PTPN3: variants seen among roughly 807,000 people sequenced by gnomAD.
The protein encoded by PTPN3 is tyrosine-protein phosphatase non-receptor type 3.
Under a neutral mutation model 132.7 loss-of-function variants are expected in PTPN3, and 96 were observed. The observed-to-expected ratio is 0.72, with a 90% CI of 0.61 to 0.86. The LOEUF (loss-of-function observed/expected upper bound fraction) is 0.86, where lower values mean the gene tolerates loss of function less well. PTPN3 is among the 40% of genes least tolerant of loss of function. PTPN3 has a pLI of 0.00. For missense variants in PTPN3, 1,125 were observed against 1,159.6 expected (o/e 0.97, Z 0.43); for synonymous variants, 398 against 429.0 (o/e 0.93, Z 0.89).
chr9:109,398,125 T>G (rs954981587), intron 19 of PTPN3, among the ~76,000 whole-genome samples: 4 of 152,060 alleles, frequency 2.6e-5, no homozygotes, highest in African/African-American at 4.8e-5. Context: ...AATACAAAAA[T>G]TAGCTGGGCA....
Position 109,453,338 on chromosome 9 carries a change from C to T in PTPN3, c.368+1158G>A, listed in dbSNP as rs374975280. On this transcript the variant is annotated intron_variant, in intron 5 of 25. Transcript: ENST00000374541. ...GCCACGATGAATGTAAAACAGGATT[C>T]AATACTAAGCATCTATTGCTTTTTT... Among the ~76,000 whole-genome samples, 13 of 152,284 alleles carry T rather than the reference C, an allele frequency of 8.5e-5. No individual in the cohort carries two copies. The East Asian group carries it at 1.2e-3, about 14-fold the overall frequency.
chr9:109,377,030 A>G lies in PTPN3; in HGVS notation c.*2526T>C, dbSNP rs898762678. 3 of 152,268 alleles carry G rather than the reference A, an allele frequency of 2.0e-5. No homozygotes were observed. Among genetic ancestry groups the G allele is most frequent in the Admixed American group, 1.3e-4 (2 of 15,286 alleles). The allele number at this position is 152,268 out of a possible 1,614,324, so 9.4% of individuals were successfully genotyped here. A position where few individuals can be genotyped will look rare whatever the true frequency, so the allele number is the denominator to read the frequency against. ...AAACAATTTGTTTTTGGAAAAAAGC[A>G]GTAAAACACCCATCTCCAAAGACAT... is the stretch of plus-strand genomic sequence containing the variant. On this transcript the variant is annotated 3_prime_UTR_variant, in exon 26 of 26. Transcript: ENST00000374541.
Position 109,381,666 on chromosome 9 carries a change from T to C in PTPN3, c.2650A>G (p.Met884Val). ...VRKMRDQRAMMVQTSSQYKFV... is the reference protein window; with the variant it reads ...VRKMRDQRAMVVQTSSQYKFV... ...TTTCTACTCACTGATGTCTGCACCA[T>C]CATGGCGCGCTGGTCTCGCATTTTT... Residue 884 changes from methionine (M) to valine (V), a missense_variant, in exon 25 of 26, where the codon ATG (methionine) becomes GTG (valine). Transcript: ENST00000374541. 6.2e-7 allele frequency: 1 copy of C among 1,614,214 alleles called. No homozygotes were observed. Among genetic ancestry groups the C allele is most frequent in the South Asian group, 1.1e-5 (1 of 91,084 alleles).
chr9:109,505,730 A>T, the PTPN3 span, among the ~76,000 whole-genome samples: 1 of 151,946 alleles, frequency 6.6e-6, no homozygotes, highest in Non-Finnish European at 1.5e-5. Context: ...GATGGATGGA[A>T]CTGAGGATCA....
chr9:109,384,487 A>T (rs916704695), intron 22 of PTPN3, among the ~76,000 whole-genome samples: 1 of 152,122 alleles, frequency 6.6e-6, no homozygotes, highest in African/African-American at 2.4e-5. Flanking sequence ...GTCTCTCAAT[A>T]TGGCTGTGCT....
rs779644779 is a variant in PTPN3 at position 109,382,412 on chromosome 9, G to A, written c.2418C>T (p.Tyr806=). The A allele has an allele frequency of 2.5e-6, 4 of 1,614,204 alleles. No homozygotes were observed. The highest frequency in any genetic ancestry group is 3.4e-6 in the Non-Finnish European group (4 of 1,180,028). ...GCACACCGTGGTCAGGCCATGCGAC[G>A]TACTGGAGATGTGTCACTGTGTGTT... ...GEEHTVTHLQ[Y]VAWPDHGVPD... Residue 806 remains tyrosine, a synonymous_variant, in exon 24 of 26, where the codon TAC becomes TAT. Transcript: ENST00000374541.
At chr9:109,451,921 C>T (rs1588450689) in intron 5 of PTPN3, among the ~76,000 whole-genome samples, 1 of 152,234 alleles carries the variant, frequency 6.6e-6, no homozygotes, top group Non-Finnish European at 1.5e-5. Context: ...GGGGTTGGAA[C>T]CTCCCAGTTG....
chr9:109,480,638 TC>T (rs1846912531), intron 1 of PTPN3, among the ~76,000 whole-genome samples: 1 of 152,220 alleles, frequency 6.6e-6, no homozygotes, highest in African/African-American at 2.4e-5. Flanking sequence ...CCCTATGTTT[TC>T]TTCTAGGAGT....
the PTPN3 span, among the ~76,000 whole-genome samples, chr9:109,517,145 C>T: frequency 6.6e-6 from 1 of 152,148 alleles, no homozygotes; most frequent in Non-Finnish European, 1.5e-5. Context: ...AAGTCATCCT[C>T]ACATGTTGAG....
the PTPN3 span, among the ~76,000 whole-genome samples, chr9:109,530,407 T>C: frequency 4.7e-4 from 71 of 152,350 alleles, no homozygotes; most frequent in African/African-American, 1.7e-3. Context: ...ATTTCCTTCC[T>C]TTTTAAGGCT....
intron 1 of PTPN3, among the ~76,000 whole-genome samples, chr9:109,492,454 C>T (rs1847506094): frequency 6.6e-6 from 1 of 152,242 alleles, no homozygotes; most frequent in African/African-American, 2.4e-5. Context: ...CAGCGACTCT[C>T]AGCACTGAAC....
rs191398114 is a variant in PTPN3 at position 109,485,424 on chromosome 9, C to T, written c.-18+12795G>A. On this transcript the variant is annotated intron_variant, in intron 1 of 25. Transcript: ENST00000374541. ...GCGGGAGGCTGAGGCAGGAGAACGG[C>T]GTGAACCTGGGAGGCGGAGCTTGCA... is the stretch of plus-strand genomic sequence containing the variant. Among the ~76,000 whole-genome samples the T allele has an allele frequency of 7.4e-3, 1,128 of 152,194 alleles. 12 individuals carry two copies. Among genetic ancestry groups the T allele is most frequent in the African/African-American group, 0.025 (1,032 of 41,514 alleles).
chr9:109,381,245 T>C (rs998063168), intron 25 of PTPN3, among the ~76,000 whole-genome samples: 2 of 152,132 alleles, frequency 1.3e-5, no homozygotes, highest in African/African-American at 4.8e-5. Context: ...GACCCTACTT[T>C]GAGCTCTGGC....
the PTPN3 span, among the ~76,000 whole-genome samples, chr9:109,512,341 C>T: frequency 6.6e-6 from 1 of 152,294 alleles, no homozygotes; most frequent in South Asian, 2.1e-4. Context: ...GATTGGAGGG[C>T]ATTTTTGCTG....
the PTPN3 span, among the ~76,000 whole-genome samples, chr9:109,525,300 C>G: frequency 1.3e-5 from 2 of 152,192 alleles, no homozygotes; most frequent in African/African-American, 4.8e-5. Context: ...TCAAGCGATC[C>G]TCCCACCTCA....
chr9:109,411,814 A>G (rs1024716460), intron 14 of PTPN3, among the ~76,000 whole-genome samples: 2 of 152,228 alleles, frequency 1.3e-5, no homozygotes, highest in African/African-American at 4.8e-5. Context: ...ATCTATTTGA[A>G]TAAAATATTC....
chr9:109,496,266 C>G (rs910395574), intron 1 of PTPN3, among the ~76,000 whole-genome samples: 4 of 152,200 alleles, frequency 2.6e-5, no homozygotes, highest in African/African-American at 9.7e-5. Context: ...CTAGAATGGC[C>G]TACTCTGTCA....
Position 109,391,996 on chromosome 9 carries a change from C to T in PTPN3, c.1954-435G>A, listed in dbSNP as rs1408892460. On this transcript the variant is annotated intron_variant, in intron 19 of 25. Transcript: ENST00000374541. ...CCTTTAAGAACGAGAGCATTTCATT[C>T]ATCATTTCAGGAGTCTATTTCCACA... 5.9e-5 allele frequency among the ~76,000 whole-genome samples: 9 copies of T among 151,868 alleles called. No homozygotes were observed. The East Asian group carries it at 1.7e-3, about 29-fold the overall frequency.
intron 19 of PTPN3, among the ~76,000 whole-genome samples, chr9:109,395,700 T>C (rs894334006): frequency 1.1e-4 from 16 of 152,156 alleles, no homozygotes; most frequent in African/African-American, 2.9e-4. Flanking sequence ...GGTGGGAGGA[T>C]TGCTTGAGCC....
Sources: allele counts gnomAD v4.1 joint callset (sites outside exome capture counted in the v4.1 genomes callset), GRCh38; gene constraint gnomAD v4.1.1; transcripts MANE v1.5; gene names NCBI Gene and HGNC (gene_info 2026-07-23, HGNC 2026-07-21).